PDE8B: variants seen among roughly 807,000 people sequenced by gnomAD.
PDE8B encodes the protein phosphodiesterase 8B.
Under a neutral mutation model 101.3 loss-of-function variants are expected in PDE8B, and 26 were observed. That is an observed-to-expected ratio of 0.26 (90% confidence interval 0.19 to 0.36). The LOEUF (loss-of-function observed/expected upper bound fraction) is 0.36, where lower values mean the gene tolerates loss of function less well. Ranked by LOEUF, PDE8B falls within the 10% of genes least tolerant of loss-of-function variation. The pLI is 1.00. For synonymous variants in PDE8B, 424 were observed against 429.3 expected (o/e 0.99, Z 0.15); for missense variants, 810 against 1,163.1 (o/e 0.70, Z 4.42).
intron 10 of PDE8B, among the ~76,000 whole-genome samples, chr5:77,373,668 T>G (rs1024552483): frequency 1.3e-5 from 2 of 152,326 alleles, no homozygotes; most frequent in African/African-American, 4.8e-5. Context: ...CATTTATCAG[T>G]TTATTTTCTT....
At chr5:77,405,816 C>T (rs1232905471) in intron 12 of PDE8B, among the ~76,000 whole-genome samples, 1 of 152,150 alleles carries the variant, frequency 6.6e-6, no homozygotes, top group Admixed American at 6.5e-5. Flanking sequence ...AGATTTCACT[C>T]GCTCATTTGA....
At chr5:77,187,158 T>C in the PDE8B span, among the ~76,000 whole-genome samples, 3 of 152,342 alleles carry the variant, frequency 2.0e-5, no homozygotes, top group African/African-American at 7.2e-5. Context: ...CTGGCTAAGA[T>C]GACTTCACAA....
chr5:77,250,170 C>T (rs574364514), intron 1 of PDE8B, among the ~76,000 whole-genome samples: 8 of 152,194 alleles, frequency 5.3e-5, no homozygotes, highest in Non-Finnish European at 1.0e-4. Context: ...GTGCCAGGCT[C>T]TTGGGATGGG....
chr5:77,134,743 G>A, the PDE8B span, among the ~76,000 whole-genome samples: 1 of 152,174 alleles, frequency 6.6e-6, no homozygotes, highest in Non-Finnish European at 1.5e-5. Flanking sequence ...TAATAAAGAG[G>A]GGGAGGGGAA....
chr5:77,256,402 A>G (rs1246686346), intron 1 of PDE8B, among the ~76,000 whole-genome samples: 5 of 152,224 alleles, frequency 3.3e-5, no homozygotes, highest in Non-Finnish European at 7.3e-5. Flanking sequence ...TGATAACCTG[A>G]AAGTCCCTCT....
rs552274376 is a variant in PDE8B, at chr5:77,324,194, A to G, written c.400-1345A>G. Among the ~76,000 whole-genome samples, 8 of 152,246 alleles carry G rather than the reference A, an allele frequency of 5.3e-5. No homozygotes were observed. The South Asian group carries it at 1.7e-3, about 32-fold the overall frequency. Reference sequence around the variant, plus strand: ...GCCTTAACGATATCTTGAGATTACTATAGGTTTTTCTTATTAGATCTATTG... The same window carrying G: ...GCCTTAACGATATCTTGAGATTACTGTAGGTTTTTCTTATTAGATCTATTG... On this transcript the variant is annotated intron_variant, in intron 2 of 21. Coordinates refer to ENST00000264917, the MANE Select transcript of PDE8B (RefSeq NM_003719.5).
chr5:77,132,475 C>T, the PDE8B span, among the ~76,000 whole-genome samples: 2 of 152,092 alleles, frequency 1.3e-5, no homozygotes, highest in African/African-American at 2.4e-5. Context: ...TATGATTTTA[C>T]GTCCTTCTAC....
At chr5:77,267,229 G>C (rs1580687460) in intron 1 of PDE8B, among the ~76,000 whole-genome samples, 1 of 152,048 alleles carries the variant, frequency 6.6e-6, no homozygotes, top group African/African-American at 2.4e-5. Flanking sequence ...CAAGAGGTCA[G>C]GAGATCAAGA....
At chr5:77,357,605 G>A (rs1484206304) in intron 10 of PDE8B, among the ~76,000 whole-genome samples, 1 of 152,194 alleles carries the variant, frequency 6.6e-6, no homozygotes, top group Non-Finnish European at 1.5e-5. Flanking sequence ...TGTCTGAGAT[G>A]TGTGCGGTCT....
intron 1 of PDE8B, among the ~76,000 whole-genome samples, chr5:77,296,121 A>T (rs548885089): frequency 3.3e-5 from 5 of 152,078 alleles, no homozygotes; most frequent in Admixed American, 3.3e-4. Flanking sequence ...AGTTATGGTT[A>T]CCTGTCCTCC....
intron 16 of PDE8B, among the ~76,000 whole-genome samples, chr5:77,412,553 ATT>A (rs34014902): frequency 1.3e-4 from 19 of 147,724 alleles, no homozygotes; most frequent in African/African-American, 3.0e-4. Context: ...AGCACTATAG[ATT>A]TTTTTTTTTT....
chr5:77,343,786 A>G (rs1349643094), intron 6 of PDE8B, among the ~76,000 whole-genome samples: 1 of 152,008 alleles, frequency 6.6e-6, no homozygotes, highest in African/African-American at 2.4e-5. Flanking sequence ...AATAACATTT[A>G]GCTTAAAACA....
At chr5:77,290,753 C>A in intron 1 of PDE8B, 4 of 1,492,626 alleles carry the variant, frequency 2.7e-6, no homozygotes, top group Non-Finnish European at 3.7e-6. Context: ...TGGTTGGAAT[C>A]ATCACGGCAT....
At chr5:77,226,878 C>A (rs1031982313) in intron 1 of PDE8B, among the ~76,000 whole-genome samples, 1 of 152,162 alleles carries the variant, frequency 6.6e-6, no homozygotes, top group Admixed American at 6.5e-5. Context: ...GTTTGTCTTG[C>A]ATCTGTTGGA....
chr5:77,286,329 T>C (rs1304355341), intron 1 of PDE8B, among the ~76,000 whole-genome samples: 2 of 152,236 alleles, frequency 1.3e-5, no homozygotes, highest in Non-Finnish European at 2.9e-5. Context: ...GCAGAGTTTG[T>C]ACACAAAATT....
the PDE8B span, among the ~76,000 whole-genome samples, chr5:77,127,644 C>A: frequency 6.6e-6 from 1 of 151,960 alleles, no homozygotes; most frequent in East Asian, 1.9e-4. Context: ...ATCATGGAGT[C>A]AGTTAATTGG....
chr5:77,398,803 G>A (rs2150988809), intron 10 of PDE8B, among the ~76,000 whole-genome samples: 1 of 152,330 alleles, frequency 6.6e-6, no homozygotes, highest in East Asian at 1.9e-4. Context: ...ACAATCATCT[G>A]AAGTGTGAGC....
the PDE8B span, among the ~76,000 whole-genome samples, chr5:77,188,997 T>C: frequency 4.6e-5 from 7 of 152,110 alleles, no homozygotes; most frequent in Non-Finnish European, 8.8e-5. Context: ...GGCCCAGGTG[T>C]AGTTGGTCTT....
chr5:77,208,363 A>G (rs1214551214), upstream of PDE8B, among the ~76,000 whole-genome samples: 8 of 152,254 alleles, frequency 5.3e-5, no homozygotes, highest in Non-Finnish European at 1.0e-4. Flanking sequence ...TGATAGCTCC[A>G]TGAAAGGTAA....
Sources: gnomAD v4.1 joint callset for allele counts (sites outside exome capture counted in the v4.1 genomes callset) on GRCh38, gnomAD v4.1.1 for gene constraint, MANE v1.5 for transcripts, NCBI Gene and HGNC (gene_info 2026-07-23, HGNC 2026-07-21) for gene names.